The following GTF2I variants were observed in gnomAD, a reference collection of about 807,000 sequenced individuals.
GTF2I encodes general transcription factor II-I.
A neutral mutation model predicts 67.6 loss-of-function variants in GTF2I; 12 were observed. The observed-to-expected ratio is 0.18, with a 90% CI of 0.11 to 0.29. The LOEUF is 0.29. Among genes scored for constraint, GTF2I ranks in the 10% least tolerant of loss-of-function variants. The pLI, the probability that GTF2I is intolerant of heterozygous loss-of-function variation, is 1.00. For missense variants in GTF2I, 271 were observed against 580.1 expected (o/e 0.47, Z 5.47); for synonymous variants, 149 against 197.0 (o/e 0.76, Z 2.04).
chr7:74,675,924 C>T (rs587772383), intron 1 of GTF2I, among the ~76,000 whole-genome samples: 1 of 152,216 alleles, frequency 6.6e-6, no homozygotes, highest in Admixed American at 6.6e-5. Flanking sequence ...GCAGGAGAAT[C>T]GCTTGAACCC....
At chr7:74,666,503 T>C (rs1224128661) in intron 1 of GTF2I, among the ~76,000 whole-genome samples, 1 of 142,548 alleles carries the variant, frequency 7.0e-6, no homozygotes, top group Non-Finnish European at 1.5e-5. Flanking sequence ...CTTCCTCCTG[T>C]TCGTTTTCTT....
chr7:74,672,544 AAAAC>A (rs782360572), intron 1 of GTF2I, among the ~76,000 whole-genome samples: 77 of 152,218 alleles, frequency 5.1e-4, no homozygotes, highest in Admixed American at 3.3e-4. Flanking sequence ...TGTCTCAAGA[AAAAC>A]AAACAAACAA....
At chr7:74,706,478 CTT>C in intron 8 of GTF2I, 45 bp downstream of exon 8, 1 of 1,401,922 alleles carries the variant, frequency 7.1e-7, no homozygotes, top group Non-Finnish European at 1.0e-6. Flanking sequence ...TTAAGGAAGA[CTT>C]TTCCTTAGTG....
At chr7:74,697,205 G>A (rs1789013462) in intron 3 of GTF2I, among the ~76,000 whole-genome samples, 2 of 152,006 alleles carry the variant, frequency 1.3e-5, no homozygotes, top group African/African-American at 4.8e-5. Flanking sequence ...AGACCATGTG[G>A]CCAACATGGT....
chr7:74,716,903 A>G lies in GTF2I; in HGVS notation c.833A>G (p.His278Arg), dbSNP rs1792334375. The G allele has an allele frequency of 4.4e-6, 7 of 1,604,868 alleles. No homozygotes were observed. The highest frequency in any genetic ancestry group is 5.1e-6 in the Non-Finnish European group (6 of 1,173,984). ...PLSKPLQGSH[H>R]SSEGNEGTEM... ...TTTATTTTCTTTTTAGGAAGCCACC[A>G]TTCTTCAGAGGGCAATGAAGGCACA... Residue 278 changes from histidine (H) to arginine (R), a missense_variant, in exon 11 of 35, where the codon CAT becomes CGT. Transcript: ENST00000573035.
chr7:74,705,483 G>A (rs1790515932), intron 7 of GTF2I, among the ~76,000 whole-genome samples: 1 of 151,702 alleles, frequency 6.6e-6, no homozygotes, highest in Non-Finnish European at 1.5e-5. Context: ...ATGCTATTCT[G>A]TAGTATTTTA....
chr7:74,671,494 T>C (rs1554390671), intron 1 of GTF2I, among the ~76,000 whole-genome samples: 1 of 151,806 alleles, frequency 6.6e-6, no homozygotes. Flanking sequence ...TTTTCTTTAA[T>C]GGGGTCACCA....
At chr7:74,675,594 C>G (rs147153726) in intron 1 of GTF2I, among the ~76,000 whole-genome samples, 1 of 151,968 alleles carries the variant, frequency 6.6e-6, no homozygotes, top group Non-Finnish European at 1.5e-5. Context: ...ACTTAAATAC[C>G]ATTATAGTTG....
intron 3 of GTF2I, among the ~76,000 whole-genome samples, chr7:74,694,494 C>T (rs781875915): frequency 2.0e-5 from 3 of 151,888 alleles, no homozygotes; most frequent in East Asian, 1.9e-4. Context: ...GGCTGAGGTA[C>T]GAGAATCGCT....
intron 6 of GTF2I, 104 bp downstream of exon 6, chr7:74,700,738 C>A: frequency 1.8e-6 from 2 of 1,142,078 alleles, no homozygotes; most frequent in South Asian, 1.3e-5. Flanking sequence ...AATATGATGT[C>A]AGACATTTTC....
At chr7:74,673,169 GT>G (rs1226939759) in intron 1 of GTF2I, among the ~76,000 whole-genome samples, 3 of 152,046 alleles carry the variant, frequency 2.0e-5, no homozygotes, top group African/African-American at 4.8e-5. Context: ...TGAGTTTACT[GT>G]TTTAAGTGCT....
intron 6 of GTF2I, among the ~76,000 whole-genome samples, chr7:74,701,685 G>T (rs587773986): frequency 6.6e-6 from 1 of 151,948 alleles, no homozygotes. Flanking sequence ...GGATGATCTC[G>T]AACTCCTGAC....
rs753288689 is a variant in GTF2I, at chr7:74,659,701, C to A, written c.-6+1633C>A. ...GCGTGAGCCACCGCCCTGGGTCACG[C>A]CTGGCTAATTTAAAATTTTTTTTTA... On this transcript the variant is annotated intron_variant, in intron 1 of 34. Transcript: ENST00000573035. Among the ~76,000 whole-genome samples the A allele has an allele frequency of 3.9e-5, 6 of 151,988 alleles. 1 individual carries two copies. The highest frequency in any genetic ancestry group is 3.9e-4 in the Admixed American group (6 of 15,240).
intron 1 of GTF2I, among the ~76,000 whole-genome samples, chr7:74,675,237 A>G (rs1436599996): frequency 2.0e-5 from 3 of 152,170 alleles, no homozygotes; most frequent in African/African-American, 7.2e-5. Context: ...AGGCATTTTT[A>G]TAGACTGTCT....
chr7:74,693,757 A>C (rs1268742746), intron 3 of GTF2I, among the ~76,000 whole-genome samples: 1 of 152,024 alleles, frequency 6.6e-6, no homozygotes, highest in Non-Finnish European at 1.5e-5. Flanking sequence ...GAGGCAGGTG[A>C]ATTACTTGAA....
chr7:74,711,162 T>A, intron 9 of GTF2I, 53 bp downstream of exon 9: 1 of 775,912 alleles, frequency 1.3e-6, no homozygotes, highest in Non-Finnish European at 2.1e-6. Flanking sequence ...TGGTTAAAAT[T>A]AAAATTTGCT....
intron 6 of GTF2I, among the ~76,000 whole-genome samples, chr7:74,702,269 C>G (rs587718989): frequency 6.6e-6 from 1 of 151,960 alleles, no homozygotes; most frequent in South Asian, 2.1e-4. Flanking sequence ...CGTTCTGTCA[C>G]CAAGTTGGAG....
At chr7:74,663,943 C>T (rs782450809) in intron 1 of GTF2I, among the ~76,000 whole-genome samples, 2 of 152,070 alleles carry the variant, frequency 1.3e-5, no homozygotes, top group Non-Finnish European at 2.9e-5. Flanking sequence ...GATTCTCCTG[C>T]CTCAGTCTCC....
intron 8 of GTF2I, among the ~76,000 whole-genome samples, chr7:74,709,874 T>G (rs1328560231): frequency 6.6e-6 from 1 of 152,042 alleles, no homozygotes; most frequent in Non-Finnish European, 1.5e-5. Flanking sequence ...GGTTTCACCA[T>G]GTTGGCCAGG....
Sources: allele counts gnomAD v4.1 joint callset (sites outside exome capture counted in the v4.1 genomes callset), GRCh38; gene constraint gnomAD v4.1.1; transcripts MANE v1.5; gene names NCBI Gene and HGNC (gene_info 2026-07-23, HGNC 2026-07-21).